Variants in OR2L3 observed in about 807,000 individuals in gnomAD.
OR2L3 encodes olfactory receptor 2L3.
For synonymous variants in OR2L3, 131 were observed against 139.1 expected (o/e 0.94, Z 0.41); for missense variants, 369 against 376.6 (o/e 0.98, Z 0.17).
intron 1 of OR2L3, among the ~76,000 whole-genome samples, chr1:248,047,993 T>C (rs1483546852): frequency 1.3e-5 from 2 of 152,200 alleles, no homozygotes; most frequent in Non-Finnish European, 2.9e-5. Context: ...TTAGTAATTG[T>C]AAGAGGTAGA....
In OR2L3 at chr1:248,052,412, T is replaced by G. The variant is rs552999915; in HGVS notation, c.-22+5532T>G. Among the ~76,000 whole-genome samples, 3 of 152,266 alleles carry G rather than the reference T, an allele frequency of 2.0e-5. No homozygotes were observed. The South Asian group carries it at 6.2e-4, about 32-fold the overall frequency. On this transcript the variant is annotated intron_variant, in intron 1 of 1. Transcript: ENST00000359959. ...CATTGCCACATTGTTTTGATTACTA[T>G]AGCTTCGAGTAAGTTTTAAAATCAG...
intron 1 of OR2L3, among the ~76,000 whole-genome samples, chr1:248,051,031 C>T (rs1267452763): frequency 6.6e-6 from 1 of 152,148 alleles, no homozygotes; most frequent in Non-Finnish European, 1.5e-5. Flanking sequence ...ACCATTTTAA[C>T]CATTTTAAGT....
chr1:248,051,677 C>G (rs1294229000), intron 1 of OR2L3, among the ~76,000 whole-genome samples: 1 of 152,118 alleles, frequency 6.6e-6, no homozygotes, highest in African/African-American at 2.4e-5. Context: ...GCCCAAACCT[C>G]AGCATCATGC....
rs370733341 is a variant in OR2L3 at position 248,060,929 on chromosome 1, A to C, written c.248A>C (p.Asp83Ala). ...ISTIVPKMAS[D>A]FLSGNKSISF... Reference sequence around the variant, plus strand: ...ACCATTGTTCCTAAGATGGCATCTGATTTTCTGTCTGGTAACAAGTCTATC... The same window carrying C: ...ACCATTGTTCCTAAGATGGCATCTGCTTTTCTGTCTGGTAACAAGTCTATC... Residue 83 changes from aspartate to alanine, a missense_variant, in exon 2 of 2, where the codon GAT becomes GCT. Asp to Ala is a moderately radical substitution (Grantham distance 126, BLOSUM62 -2). Transcript: ENST00000359959. The C allele has an allele frequency of 1.2e-6, 2 of 1,613,756 alleles. No individual in the cohort carries two copies. The highest frequency in any genetic ancestry group is 1.7e-6 in the Non-Finnish European group (2 of 1,179,848).
intron 1 of OR2L3, among the ~76,000 whole-genome samples, chr1:248,057,982 T>C (rs1050341440): frequency 6.6e-6 from 1 of 152,234 alleles, no homozygotes; most frequent in Admixed American, 6.5e-5. Context: ...TTAATTGTTT[T>C]GACTGAACTT....
At chr1:248,050,211 C>T (rs73143320) in intron 1 of OR2L3, among the ~76,000 whole-genome samples, 6,071 of 151,948 alleles carry the variant, frequency 0.04, 399 homozygotes, top group African/African-American at 0.14. Context: ...CTCGTTCTTT[C>T]CTCCTGTGTA....
chr1:248,053,678 T>C (rs2103115288), intron 1 of OR2L3, among the ~76,000 whole-genome samples: 1 of 152,356 alleles, frequency 6.6e-6, no homozygotes, highest in Admixed American at 6.5e-5. Context: ...TATCTAATTA[T>C]GGTTTTGATT....
At chr1:248,060,533 GAA>G (rs1663588344) in intron 1 of OR2L3, 126 bp from the exon 2 acceptor site, 2 of 647,464 alleles carry the variant, frequency 3.1e-6, no homozygotes, top group Non-Finnish European at 5.5e-6. Flanking sequence ...TGTGTGGACA[GAA>G]AATAATAGTG....
At chr1:248,050,530 T>C (rs1270235538) in intron 1 of OR2L3, among the ~76,000 whole-genome samples, 1 of 152,058 alleles carries the variant, frequency 6.6e-6, no homozygotes, top group Non-Finnish European at 1.5e-5. Flanking sequence ...ACATGGATAA[T>C]AAAAAGATGA....
At chr1:248,055,427 G>C (rs981616647) in intron 1 of OR2L3, among the ~76,000 whole-genome samples, 18 of 152,036 alleles carry the variant, frequency 1.2e-4, no homozygotes, top group Non-Finnish European at 2.5e-4. Context: ...GTCTCTGCTG[G>C]GTTTTGGAAG....
intron 1 of OR2L3, among the ~76,000 whole-genome samples, chr1:248,052,783 A>G (rs1006886505): frequency 3.0e-4 from 45 of 152,046 alleles, no homozygotes; most frequent in African/African-American, 1.0e-3. Context: ...TTCTTTTTCC[A>G]AAAAAGTCAA....
At chr1:248,050,788 G>T (rs1663239390) in intron 1 of OR2L3, among the ~76,000 whole-genome samples, 1 of 151,838 alleles carries the variant, frequency 6.6e-6, no homozygotes, top group Admixed American at 6.6e-5. Flanking sequence ...ACGGAGTATT[G>T]GATTAATCTT....
At chr1:248,049,459 A>G (rs1166335911) in intron 1 of OR2L3, among the ~76,000 whole-genome samples, 1 of 152,144 alleles carries the variant, frequency 6.6e-6, no homozygotes, top group Non-Finnish European at 1.5e-5. Flanking sequence ...AGGAGATTAT[A>G]TGGGTGTTTT....
At position 248,060,922 on chromosome 1, in the gene OR2L3, G is replaced by A. The variant is rs756922481; in HGVS notation, c.241G>A (p.Ala81Thr). The A allele has an allele frequency of 1.2e-6, 2 of 1,613,884 alleles. No individual in the cohort carries two copies. Among genetic ancestry groups the A allele is most frequent in the South Asian group, 2.2e-5 (2 of 91,074 alleles). Residue 81 changes from alanine (A) to threonine (T), a missense_variant, in exon 2 of 2, where the codon GCA becomes ACA. Ala to Thr is a moderately conservative substitution (Grantham distance 58, BLOSUM62 0). Transcript: ENST00000359959. ...CATCTCCACCATTGTTCCTAAGATG[G>A]CATCTGATTTTCTGTCTGGTAACAA... ...NYISTIVPKM[A>T]SDFLSGNKSI...
chr1:248,052,922 C>A (rs1317006297), intron 1 of OR2L3, among the ~76,000 whole-genome samples: 1 of 151,542 alleles, frequency 6.6e-6, no homozygotes, highest in Non-Finnish European at 1.5e-5. Context: ...GCTTTGTACA[C>A]TTTTTATTTT....
rs1663680023 is a variant in OR2L3 at position 248,062,609 on chromosome 1, T to C, written c.*989T>C. The C allele has an allele frequency of 6.6e-6, 1 of 152,232 alleles. No homozygotes were observed. Among genetic ancestry groups the C allele is most frequent in the Non-Finnish European group, 1.5e-5 (1 of 68,032 alleles). The allele number at this position is 152,232 out of a possible 1,614,324, so 9.4% of individuals were successfully genotyped here. ...GGGACGATAAAGTGGGGATGGCTAA[T>C]AGTTGCAAAAATATAATTAGATAGA... is the stretch of plus-strand genomic sequence containing the variant. On this transcript the variant is annotated 3_prime_UTR_variant, in exon 2 of 2. Coordinates refer to ENST00000359959, the MANE Select transcript of OR2L3 (RefSeq NM_001004687.2).
At chr1:248,049,220 C>A (rs1192188818) in intron 1 of OR2L3, among the ~76,000 whole-genome samples, 1 of 152,074 alleles carries the variant, frequency 6.6e-6, no homozygotes, top group Non-Finnish European at 1.5e-5. Flanking sequence ...GATAATGAGA[C>A]TATGTTTGAA....
intron 1 of OR2L3, among the ~76,000 whole-genome samples, chr1:248,048,336 A>G (rs972622435): frequency 3.3e-5 from 5 of 152,214 alleles, no homozygotes; most frequent in African/African-American, 1.2e-4. Flanking sequence ...CACATTGTGT[A>G]AATATTAAAT....
At chr1:248,056,778 G>C (rs1420440388) in intron 1 of OR2L3, among the ~76,000 whole-genome samples, 1 of 150,080 alleles carries the variant, frequency 6.7e-6, no homozygotes, top group African/African-American at 2.4e-5. Flanking sequence ...CTCTTGAGTA[G>C]CTGGGACTGC....
Sources: gnomAD v4.1 joint callset for allele counts (sites outside exome capture counted in the v4.1 genomes callset) on GRCh38, gnomAD v4.1.1 for gene constraint, MANE v1.5 for transcripts, NCBI Gene and HGNC (gene_info 2026-07-23, HGNC 2026-07-21) for gene names.